The following THTPA variants were observed in gnomAD, a reference collection of about 807,000 sequenced individuals.
THTPA encodes thiamine-triphosphatase.
In THTPA, 16 loss-of-function variants were observed where a neutral mutation model predicts 16.5. That is an observed-to-expected ratio of 0.97 (90% confidence interval 0.66 to 1.47). The LOEUF (loss-of-function observed/expected upper bound fraction) is 1.47, where lower values mean the gene tolerates loss of function less well. Among genes scored for constraint, THTPA ranks in the 40% most tolerant of loss-of-function variants. The probability of loss-of-function intolerance (pLI) is 0.00; values close to 1 mark genes in which losing one functional copy is unlikely to be tolerated. For missense variants in THTPA, 281 were observed against 280.9 expected (o/e 1.00, Z 0.00); for synonymous variants, 110 against 115.5 (o/e 0.95, Z 0.30).
the THTPA span, chr14:23,532,878 A>T: frequency 1.3e-6 from 2 of 1,536,226 alleles, no homozygotes; most frequent in South Asian, 1.2e-5. Context: ...ACCTCCTTCC[A>T]TTCAGCTTCC....
At chr14:23,547,250 AC>A in the THTPA span, among the ~76,000 whole-genome samples, 26 of 152,390 alleles carry the variant, frequency 1.7e-4, no homozygotes, top group African/African-American at 6.0e-4. Context: ...CTTTTGGCCC[AC>A]ATGGCCAATG....
the THTPA span, among the ~76,000 whole-genome samples, chr14:23,515,774 G>T: frequency 1.3e-5 from 2 of 152,192 alleles, no homozygotes; most frequent in Admixed American, 6.5e-5. Context: ...GGCTGGGGAA[G>T]TTCTGATTTC....
chr14:23,532,564 C>T, the THTPA span: 1 of 1,437,278 alleles, frequency 7.0e-7, no homozygotes, highest in Non-Finnish European at 9.1e-7. Context: ...GACCCAGCCT[C>T]ACCTTATAGA....
At chr14:23,527,901 CTTTTTTTTTT>C in the THTPA span, 9 of 448,956 alleles carry the variant, frequency 2.0e-5, no homozygotes, top group Non-Finnish European at 3.3e-5. Flanking sequence ...GCCCCCACTC[CTTTTTTTTTT>C]TTTTTTTTTT....
At chr14:23,536,655 T>C in the THTPA span, among the ~76,000 whole-genome samples, 2 of 152,372 alleles carry the variant, frequency 1.3e-5, no homozygotes, top group East Asian at 3.9e-4. Flanking sequence ...CCTTATTTTA[T>C]GGATGGGGCA....
the THTPA span, among the ~76,000 whole-genome samples, chr14:23,548,000 G>A: frequency 4.6e-5 from 7 of 152,176 alleles, no homozygotes; most frequent in African/African-American, 1.7e-4. Context: ...TGTGCCCTCT[G>A]GCATTTCACA....
chr14:23,538,397 G>A, the THTPA span, among the ~76,000 whole-genome samples: 1 of 151,014 alleles, frequency 6.6e-6, no homozygotes, highest in Admixed American at 6.6e-5. Context: ...TAGCTGCAGC[G>A]ATTATTTTTT....
chr14:23,524,903 G>C, the THTPA span: 2 of 1,536,310 alleles, frequency 1.3e-6, no homozygotes, highest in African/African-American at 1.4e-5. The surrounding 1 kb of genome is among the most constrained non-coding windows in gnomAD (Gnocchi z 5.6). Flanking sequence ...AAAAACACAG[G>C]AGAAAGTGGC....
the THTPA span, chr14:23,522,771 G>C: frequency 6.5e-7 from 1 of 1,536,468 alleles, no homozygotes; most frequent in East Asian, 2.4e-5. Context: ...TCCCCCAAGG[G>C]CTCAGTAGGA....
the THTPA span, among the ~76,000 whole-genome samples, chr14:23,527,362 C>T: frequency 6.6e-6 from 1 of 152,186 alleles, no homozygotes; most frequent in African/African-American, 2.4e-5. Flanking sequence ...ACTTCAAATC[C>T]ATGAAATGCT....
chr14:23,546,630 G>A, the THTPA span, among the ~76,000 whole-genome samples: 3 of 152,162 alleles, frequency 2.0e-5, no homozygotes, highest in Admixed American at 6.5e-5. This position sits in a 1 kb window ranked among gnomAD's most constrained non-coding sequence, Gnocchi z 4.7. Flanking sequence ...GGAGGGATGG[G>A]CAGGCAGTTC....
the THTPA span, among the ~76,000 whole-genome samples, chr14:23,544,506 G>C: frequency 6.6e-6 from 1 of 152,192 alleles, no homozygotes; most frequent in African/African-American, 2.4e-5. Context: ...CTTTGGGGTT[G>C]GTGAAGGTGC....
At chr14:23,527,887 G>GCCC in the THTPA span, 4 of 1,153,386 alleles carry the variant, frequency 3.5e-6, no homozygotes, top group Non-Finnish European at 4.8e-6. Flanking sequence ...TGCAGCACTG[G>GCCC]CCCGCCCCCA....
At chr14:23,526,447 A>G in the THTPA span, 1 of 1,536,272 alleles carries the variant, frequency 6.5e-7, no homozygotes, top group Non-Finnish European at 8.7e-7. Flanking sequence ...GGCGAGAGTC[A>G]GCTGGAGCTG....
chr14:23,526,424 T>C, the THTPA span: 34 of 1,536,122 alleles, frequency 2.2e-5, no homozygotes, highest in African/African-American at 2.2e-4. Flanking sequence ...GGTTTTCCGA[T>C]AGGTCAGAGG....
chr14:23,556,710 G>A lies in THTPA; in HGVS notation c.-48G>A. The stretch of plus-strand genomic sequence containing the variant: ...CCCCAGGAGCTGAGCACCAGGCTTT[G>A]CATCCTTGGGAACTCAGCAAACGTT... On this transcript the variant is annotated 5_prime_UTR_variant, in exon 1 of 2. Coordinates refer to ENST00000288014, the MANE Select transcript of THTPA (RefSeq NM_024328.6). 1 of 1,571,778 alleles carries A rather than the reference G, an allele frequency of 6.4e-7. No individual in the cohort carries two copies.
In THTPA at chr14:23,558,721, G is replaced by C; in HGVS notation, c.574G>C (p.Ala192Pro). Residue 192 changes from alanine to proline, a missense_variant, in exon 2 of 2, where the codon GCC becomes CCC. Coordinates refer to ENST00000288014, the MANE Select transcript of THTPA (RefSeq NM_024328.6). ...TGTGCCTGCACAGGAGACAGCACCA[G>C]CCAAGCTGATTGTGTATCTACAGCG... ...LGVPAQETAP[A>P]KLIVYLQRFR... The C allele has an allele frequency of 6.2e-7, 1 of 1,614,216 alleles. No homozygotes were observed. The highest frequency in any genetic ancestry group is 8.5e-7 in the Non-Finnish European group (1 of 1,180,042).
chr14:23,560,093 C>A lies in THTPA; in HGVS notation c.*1253C>A. On this transcript the variant is annotated 3_prime_UTR_variant, in exon 2 of 2. Transcript: ENST00000288014. ...GGCAGTAGGTAGGGCTCAGGCAGCC[C>A]CTCTATACTCAGTGGCTCCACACCC... is the stretch of plus-strand genomic sequence containing the variant. 2 of 1,412,366 alleles carry A rather than the reference C, an allele frequency of 1.4e-6. No homozygotes were observed. The highest frequency in any genetic ancestry group is 2.4e-5 in the South Asian group (2 of 83,426). 87.5% of individuals were successfully genotyped at this position (1,412,366 alleles called of 1,614,324 possible). A position where few individuals can be genotyped will look rare whatever the true frequency, so the allele number is the denominator to read the frequency against.
At chr14:23,531,428 C>A in the THTPA span, 17 of 1,353,398 alleles carry the variant, frequency 1.3e-5, no homozygotes, top group African/African-American at 1.5e-5. Flanking sequence ...CTGCTCCCCA[C>A]ATCCTGCTGC....
Sources: gnomAD v4.1 joint callset for allele counts (sites outside exome capture counted in the v4.1 genomes callset) on GRCh38, gnomAD v4.1.1 for gene constraint, Gnocchi (gnomAD v3.1) non-coding constraint, MANE v1.5 for transcripts, NCBI Gene and HGNC (gene_info 2026-07-23, HGNC 2026-07-21) for gene names.